GRIA4: variants seen among roughly 807,000 people sequenced by gnomAD.
GRIA4 encodes glutamate receptor 4.
GRIA4 carries 34 observed loss-of-function variants against 104.0 expected under a neutral mutation model. The observed-to-expected ratio is 0.33, with a 90% CI of 0.25 to 0.44. The LOEUF (loss-of-function observed/expected upper bound fraction) is 0.44. GRIA4 is among the 20% of genes least tolerant of loss of function. The probability of loss-of-function intolerance (pLI) is 1.00; values close to 1 mark genes in which losing one functional copy is unlikely to be tolerated. For missense variants in GRIA4, 750 were observed against 1,096.5 expected, an observed-to-expected ratio of 0.68 and a Z score of 4.46; for synonymous variants, 386 against 381.9, an observed-to-expected ratio of 1.01 and a Z score of -0.13.
intron 3 of GRIA4, among the ~76,000 whole-genome samples, chr11:105,651,846 G>A (rs1028201015): frequency 3.3e-5 from 5 of 152,006 alleles, no homozygotes; most frequent in African/African-American, 1.2e-4. Flanking sequence ...ACTGGTCCCT[G>A]AGCTAATTAA....
At chr11:105,793,747 C>CAA (rs1181315720) in intron 4 of GRIA4, among the ~76,000 whole-genome samples, 3 of 152,074 alleles carry the variant, frequency 2.0e-5, no homozygotes, top group Non-Finnish European at 2.9e-5. Context: ...GTGGGGATAT[C>CAA]AATACACAGG....
At chr11:105,748,687 G>C (rs995275486) in intron 3 of GRIA4, among the ~76,000 whole-genome samples, 1 of 152,078 alleles carries the variant, frequency 6.6e-6, no homozygotes, top group African/African-American at 2.4e-5. Context: ...CCCGCCCCTA[G>C]AATCACTTTT....
intron 6 of GRIA4, among the ~76,000 whole-genome samples, chr11:105,894,464 T>C (rs7117997): frequency 0.013 from 2,052 of 152,270 alleles, 59 homozygotes; most frequent in African/African-American, 0.047. Flanking sequence ...TGTAATACGC[T>C]TAGCACAATG....
At chr11:105,852,667 C>T (rs867122303) in intron 4 of GRIA4, among the ~76,000 whole-genome samples, 1 of 152,166 alleles carries the variant, frequency 6.6e-6, no homozygotes, top group African/African-American at 2.4e-5. Context: ...CACTCTCAGT[C>T]CCTGACATGA....
intron 3 of GRIA4, among the ~76,000 whole-genome samples, chr11:105,663,021 T>A (rs1952059426): frequency 6.6e-6 from 1 of 151,816 alleles, no homozygotes; most frequent in Admixed American, 6.6e-5. Context: ...CAAAAAATAA[T>A]CACGACAGAT....
intron 3 of GRIA4, among the ~76,000 whole-genome samples, chr11:105,701,184 C>T (rs755593912): frequency 2.6e-5 from 4 of 152,162 alleles, no homozygotes; most frequent in Non-Finnish European, 4.4e-5. Context: ...GTTGTCATTC[C>T]TTTCATAGGA....
At chr11:105,719,042 G>GC (rs1954203607) in intron 3 of GRIA4, among the ~76,000 whole-genome samples, 1 of 151,932 alleles carries the variant, frequency 6.6e-6, no homozygotes, top group African/African-American at 2.4e-5. Context: ...TCTCTCTCTT[G>GC]TTTTTTTTAA....
intron 3 of GRIA4, among the ~76,000 whole-genome samples, chr11:105,669,873 T>A (rs182048774): frequency 2.0e-5 from 3 of 152,252 alleles, no homozygotes; most frequent in African/African-American, 7.2e-5. Flanking sequence ...AAGTTGTTTC[T>A]GCAGGCTGCT....
chr11:105,850,057 G>T (rs960447283), intron 4 of GRIA4, among the ~76,000 whole-genome samples: 1 of 151,960 alleles, frequency 6.6e-6, no homozygotes, highest in African/African-American at 2.4e-5. Context: ...AGTAAACTTC[G>T]AAAACCTTAA....
intron 4 of GRIA4, among the ~76,000 whole-genome samples, chr11:105,774,647 T>A (rs1380931995): frequency 6.6e-6 from 1 of 152,060 alleles, no homozygotes; most frequent in Non-Finnish European, 1.5e-5. Flanking sequence ...AAAATAAAAA[T>A]ATTCAACTCT....
At chr11:105,756,852 G>A (rs1442748265) in intron 4 of GRIA4, among the ~76,000 whole-genome samples, 1 of 152,072 alleles carries the variant, frequency 6.6e-6, no homozygotes, top group Admixed American at 6.6e-5. Context: ...TAGCCAGACT[G>A]ACAGTCAATA....
At chr11:105,774,313 T>C (rs894054081) in intron 4 of GRIA4, among the ~76,000 whole-genome samples, 4 of 151,762 alleles carry the variant, frequency 2.6e-5, no homozygotes, top group African/African-American at 7.2e-5. Flanking sequence ...ATCACAGCCA[T>C]ACTGAGATAT....
intron 3 of GRIA4, among the ~76,000 whole-genome samples, chr11:105,697,572 C>T (rs1014670483): frequency 2.6e-5 from 4 of 152,180 alleles, no homozygotes; most frequent in Non-Finnish European, 4.4e-5. Flanking sequence ...TTGCAGAATG[C>T]TGTCTACCTT....
chr11:105,621,546 G>C (rs1162428161), intron 3 of GRIA4, among the ~76,000 whole-genome samples: 1 of 151,488 alleles, frequency 6.6e-6, no homozygotes. Flanking sequence ...TGGTATTTAA[G>C]AACTGCTTCA....
chr11:105,902,445 C>T (rs758309914), intron 7 of GRIA4, among the ~76,000 whole-genome samples: 3 of 151,910 alleles, frequency 2.0e-5, no homozygotes, highest in African/African-American at 7.3e-5. Flanking sequence ...ATCCTCCTCC[C>T]ACCTCAGCCT....
intron 3 of GRIA4, among the ~76,000 whole-genome samples, chr11:105,621,539 T>C (rs576715083): frequency 1.3e-5 from 2 of 151,860 alleles, no homozygotes; most frequent in African/African-American, 4.8e-5. Flanking sequence ...ATTCTTTTGG[T>C]ATTTAAGAAC....
intron 3 of GRIA4, among the ~76,000 whole-genome samples, chr11:105,737,081 G>A (rs529141258): frequency 1.2e-4 from 18 of 152,198 alleles, no homozygotes; most frequent in Admixed American, 2.0e-4. Context: ...GAATGAAGGC[G>A]TAAGGAGCTT....
At chr11:105,701,841 T>G (rs1953504811) in intron 3 of GRIA4, among the ~76,000 whole-genome samples, 1 of 152,178 alleles carries the variant, frequency 6.6e-6, no homozygotes, top group East Asian at 1.9e-4. Context: ...AAGTTAGGTG[T>G]GTAACTTTAA....
intron 4 of GRIA4, among the ~76,000 whole-genome samples, chr11:105,763,636 G>C (rs943784351): frequency 7.9e-5 from 12 of 152,110 alleles, no homozygotes; most frequent in Non-Finnish European, 1.8e-4. Flanking sequence ...TCTTTTAAGG[G>C]TTTCATTCTG....
Sources: allele counts gnomAD v4.1 joint callset (sites outside exome capture counted in the v4.1 genomes callset), GRCh38; gene constraint gnomAD v4.1.1; transcripts MANE v1.5; gene names NCBI Gene and HGNC (gene_info 2026-07-23, HGNC 2026-07-21).